HTR2C: variants seen among roughly 807,000 people sequenced by gnomAD.
HTR2C encodes the protein 5-hydroxytryptamine (serotonin) receptor 2C, G protein-coupled.
A neutral mutation model predicts 21.0 loss-of-function variants in HTR2C; 5 were observed. That is an observed-to-expected ratio of 0.24 (90% confidence interval 0.12 to 0.50). The LOEUF is 0.50. HTR2C is among the 20% of genes least tolerant of loss of function. The pLI is 0.98. For missense variants in HTR2C, 271 were observed against 371.2 expected (o/e 0.73, Z 2.22); for synonymous variants, 150 against 145.3 (o/e 1.03, Z -0.23).
intron 4 of HTR2C, among the ~76,000 whole-genome samples, chrX:114,787,055 A>C (rs1387302128): frequency 8.9e-6 from 1 of 111,841 alleles, no homozygotes; most frequent in East Asian, 2.8e-4. Context: ...CTGCCAAGAA[A>C]TATAGTCTTT....
At chrX:114,637,692 T>C (rs782110377) in intron 2 of HTR2C, among the ~76,000 whole-genome samples, 17 of 111,270 alleles carry the variant, frequency 1.5e-4, no homozygotes, top group African/African-American at 5.6e-4. Flanking sequence ...CAGAGATTAT[T>C]GACACCTTAC....
Position 114,848,143 on chromosome X carries a change from C to T in HTR2C, c.490C>T (p.Arg164Cys). ...AATACGTAATCCTATTGAGCATAGC[C>T]GTTTCAATTCGCGGACTAAGGCCAT... Reference protein sequence around the residue: ...VAIRNPIEHSRFNSRTKAIMK... With the variant: ...VAIRNPIEHSCFNSRTKAIMK... Residue 164 changes from arginine (R) to cysteine (C), a missense_variant, in exon 5 of 6, where the codon CGT (arginine) becomes TGT (cysteine). By Grantham distance (180) the Arg-to-Cys change is radical. Around this residue, in one of 5 missense-constraint regions of HTR2C, gnomAD observed 192 missense variants for 247.2 expected, o/e 0.78. Transcript: ENST00000276198. 8.3e-7 allele frequency: 1 copy of T among 1,210,501 alleles called. No individual in the cohort carries two copies.
At chrX:114,800,733 G>T (rs1353091733) in intron 4 of HTR2C, among the ~76,000 whole-genome samples, 6 of 111,341 alleles carry the variant, frequency 5.4e-5, no homozygotes, top group Non-Finnish European at 1.1e-4. Flanking sequence ...TTACAGTGTG[G>T]TCCTCGCCTT....
intron 1 of HTR2C, among the ~76,000 whole-genome samples, chrX:114,594,297 TG>T (rs1273464388): frequency 3.6e-5 from 4 of 111,574 alleles, no homozygotes; most frequent in African/African-American, 1.3e-4. Context: ...TAATTAGCAT[TG>T]TTTTTTTCTC....
chrX:114,834,273 G>A (rs782290434), intron 4 of HTR2C, among the ~76,000 whole-genome samples: 58 of 108,341 alleles, frequency 5.4e-4, no homozygotes, highest in South Asian at 1.7e-3. Flanking sequence ...TTTCTGTCTC[G>A]TTGATCTGTC....
intron 4 of HTR2C, among the ~76,000 whole-genome samples, chrX:114,781,082 G>A (rs6655338): frequency 0.018 from 2,044 of 111,533 alleles, 50 homozygotes; most frequent in African/African-American, 0.064. Context: ...AGTAAATTAA[G>A]AGCAGTTTAG....
In HTR2C at chrX:114,669,555, A is replaced by AGTGGTGG. The variant is rs782126153; in HGVS notation, c.-80+55675_-80+55681dup. Among the ~76,000 whole-genome samples, 8 of 111,570 alleles carry AGTGGTGG rather than the reference A, an allele frequency of 7.2e-5. No homozygotes were observed. The South Asian group carries it at 3.0e-3, about 42-fold the overall frequency. ...ACAAATTAAGCTTATTACCATTAAG[A>AGTGGTGG]GTGGTGGCACGTGCCTGTAATCCCA... is the stretch of plus-strand genomic sequence containing the variant. On this transcript the variant is annotated intron_variant, in intron 2 of 5. Transcript: ENST00000276198.
chrX:114,733,581 G>A (rs1210035974), intron 4 of HTR2C, among the ~76,000 whole-genome samples: 2 of 105,724 alleles, frequency 1.9e-5, no homozygotes, highest in Non-Finnish European at 3.8e-5. Context: ...GGTAAAAAAG[G>A]AAGCAAGAGG....
chrX:114,605,466 A>G (rs1488031969), intron 1 of HTR2C, among the ~76,000 whole-genome samples: 1 of 110,950 alleles, frequency 9.0e-6, no homozygotes, highest in Admixed American at 9.6e-5. Flanking sequence ...GAAAGAAGGA[A>G]GATTTGGGAC....
intron 4 of HTR2C, among the ~76,000 whole-genome samples, chrX:114,824,168 C>T (rs1313601489): frequency 9.9e-5 from 11 of 111,416 alleles, no homozygotes; most frequent in African/African-American, 3.3e-4. Flanking sequence ...AGAAAGTTAG[C>T]GGCATGTCCC....
chrX:114,676,161 C>T (rs1329747632), intron 2 of HTR2C, among the ~76,000 whole-genome samples: 2 of 111,330 alleles, frequency 1.8e-5, no homozygotes, highest in African/African-American at 3.3e-5. Flanking sequence ...TGAGCCACCG[C>T]GCTCAGCCTT....
At chrX:114,791,386 G>A (rs896622642) in intron 4 of HTR2C, among the ~76,000 whole-genome samples, 1 of 111,437 alleles carries the variant, frequency 9.0e-6, no homozygotes, top group African/African-American at 3.3e-5. Context: ...TTTCTTAGTC[G>A]GTCTTTAATC....
At chrX:114,865,011 G>T (rs369054651) in intron 5 of HTR2C, among the ~76,000 whole-genome samples, 1 of 107,310 alleles carries the variant, frequency 9.3e-6, no homozygotes, top group African/African-American at 3.4e-5. Context: ...TCCCTTATAT[G>T]GACTCAGGAT....
chrX:114,857,350 C>CTT (rs781899076), intron 5 of HTR2C, among the ~76,000 whole-genome samples: 1 of 111,115 alleles, frequency 9.0e-6, no homozygotes, highest in Non-Finnish European at 1.9e-5. Context: ...TAGAAAAACT[C>CTT]TTAGCTCATG....
At position 114,628,049 on chromosome X, in the gene HTR2C, C is replaced by G. The variant is rs782662194; in HGVS notation, c.-80+14168C>G. On this transcript the variant is annotated intron_variant, in intron 2 of 5. Coordinates refer to ENST00000276198, the MANE Select transcript of HTR2C (RefSeq NM_000868.4). Reference sequence around the variant, plus strand: ...ATCAATTAGACATGACCTATAATATCAAGATTGCATGTAGCTAGTAGTTAA... The same window carrying G: ...ATCAATTAGACATGACCTATAATATGAAGATTGCATGTAGCTAGTAGTTAA... Among the ~76,000 whole-genome samples, 351 of 111,844 alleles carry G rather than the reference C, an allele frequency of 3.1e-3. 1 individual carries two copies. Among genetic ancestry groups the G allele is most frequent in the Non-Finnish European group, 5.1e-3 (272 of 53,198 alleles).
intron 4 of HTR2C, chrX:114,775,892 A>G (rs1185570199): frequency 1.3e-5 from 5 of 370,913 alleles, no homozygotes; most frequent in South Asian, 1.1e-4. Context: ...GGCACAGGCA[A>G]TGGATGTACA....
At chrX:114,740,139 T>C (rs1001554826) in intron 4 of HTR2C, among the ~76,000 whole-genome samples, 1 of 107,488 alleles carries the variant, frequency 9.3e-6, no homozygotes, top group South Asian at 3.8e-4. Context: ...TAAATATATA[T>C]ATAAACATGT....
At chrX:114,871,636 GT>G (rs35992234) in intron 5 of HTR2C, among the ~76,000 whole-genome samples, 200 of 101,285 alleles carry the variant, frequency 2.0e-3, no homozygotes, top group African/African-American at 6.7e-3. Context: ...ATCTTCATCT[GT>G]TTTTTTTTTT....
At position 114,630,704 on chromosome X, in the gene HTR2C, G is replaced by A. The variant is rs1216699811; in HGVS notation, c.-80+16823G>A. 6 of 189,139 alleles carry A rather than the reference G, an allele frequency of 3.2e-5. No homozygotes were observed. The Admixed American group carries it at 3.3e-4, about 10-fold the overall frequency. 15.6% of individuals were successfully genotyped at this position (189,139 alleles called of 1,213,427 possible). A position where few individuals can be genotyped will look rare whatever the true frequency, so the allele number is the denominator to read the frequency against. On this transcript the variant is annotated intron_variant, in intron 2 of 5. Transcript: ENST00000276198. Reference sequence around the variant, plus strand: ...CCATGTTGAGTGAATGAAGCAATGGGTTCTGAGATGTTTCTGGTCACCTAC... The same window carrying A: ...CCATGTTGAGTGAATGAAGCAATGGATTCTGAGATGTTTCTGGTCACCTAC...
Sources: gnomAD v4.1 joint callset for allele counts (sites outside exome capture counted in the v4.1 genomes callset) on GRCh38, gnomAD v4.1.1 for gene constraint, gnomAD v4.1.1 regional missense constraint, MANE v1.5 for transcripts, NCBI Gene and HGNC (gene_info 2026-07-23, HGNC 2026-07-21) for gene names.